EEFSEC: variants seen among roughly 807,000 people sequenced by gnomAD.
EEFSEC encodes selenocysteine-specific elongation factor.
In EEFSEC, 43 loss-of-function variants were observed where a neutral mutation model predicts 42.1. The observed-to-expected ratio is 1.02, with a 90% CI of 0.80 to 1.32. The LOEUF is 1.32. EEFSEC is among the 40% of genes most tolerant of loss of function. The pLI is 0.00. For missense variants in EEFSEC, 745 were observed against 803.6 expected (o/e 0.93, Z 0.88); for synonymous variants, 354 against 339.1 (o/e 1.04, Z -0.48).
chr3:128,312,723 G>A (rs189227450), intron 4 of EEFSEC, among the ~76,000 whole-genome samples: 1 of 152,348 alleles, frequency 6.6e-6, no homozygotes, highest in East Asian at 1.9e-4. Flanking sequence ...TCCTCTAGCT[G>A]GATTGGCAAA....
chr3:128,212,953 A>G lies in EEFSEC; in HGVS notation c.317-33883A>G, dbSNP rs1387297674. ...GCATGGCAGCCACATCCCGGGGAGC[A>G]GCAGTCCTCTGCTAGCACACATCTG... On this transcript the variant is annotated intron_variant, in intron 1 of 6. Transcript: ENST00000254730. Among the ~76,000 whole-genome samples, 4 of 152,236 alleles carry G rather than the reference A, an allele frequency of 2.6e-5. No homozygotes were observed. The East Asian group carries it at 7.7e-4, about 29-fold the overall frequency.
chr3:128,235,551 A>G (rs1208899169), intron 1 of EEFSEC, among the ~76,000 whole-genome samples: 5 of 152,160 alleles, frequency 3.3e-5, no homozygotes, highest in Non-Finnish European at 7.4e-5. Context: ...GATTCCAAAG[A>G]CACTTCATGA....
chr3:128,299,048 T>G (rs535932740), intron 4 of EEFSEC, among the ~76,000 whole-genome samples: 5 of 152,354 alleles, frequency 3.3e-5, no homozygotes, highest in African/African-American at 1.2e-4. Context: ...AGATATCTGT[T>G]TGATATACTG....
intron 4 of EEFSEC, among the ~76,000 whole-genome samples, chr3:128,337,632 C>T (rs921781630): frequency 1.3e-5 from 2 of 152,210 alleles, no homozygotes; most frequent in African/African-American, 2.4e-5. Flanking sequence ...CTCTTCAGAG[C>T]GGCTGGGCGT....
intron 2 of EEFSEC, 42 bp downstream of exon 2, chr3:128,247,085 CT>C (rs2066136538): frequency 1.9e-6 from 3 of 1,587,004 alleles, no homozygotes; most frequent in Non-Finnish European, 2.6e-6. Flanking sequence ...CATAAGAAGG[CT>C]TCTGGGGCCT....
At chr3:128,220,239 G>C (rs2065848909) in intron 1 of EEFSEC, among the ~76,000 whole-genome samples, 2 of 152,200 alleles carry the variant, frequency 1.3e-5, no homozygotes, top group African/African-American at 4.8e-5. Context: ...AAAGGTGCCT[G>C]AGTTCCTTTC....
intron 1 of EEFSEC, among the ~76,000 whole-genome samples, chr3:128,229,218 G>A (rs983416945): frequency 6.6e-6 from 1 of 152,168 alleles, no homozygotes; most frequent in African/African-American, 2.4e-5. Flanking sequence ...TATGATACTA[G>A]GTGTGGGGCC....
intron 4 of EEFSEC, among the ~76,000 whole-genome samples, chr3:128,316,283 C>G (rs1245903267): frequency 1.3e-5 from 2 of 152,176 alleles, no homozygotes; most frequent in East Asian, 3.8e-4. Context: ...GTTCTTTCAC[C>G]CTTTTTTAAT....
downstream of EEFSEC, among the ~76,000 whole-genome samples, chr3:128,412,982 C>G (rs923475759): frequency 5.9e-5 from 9 of 152,152 alleles, no homozygotes; most frequent in African/African-American, 9.7e-5. Context: ...AGGGCACAGG[C>G]AGGGGGATGG....
chr3:128,368,060 T>C (rs1286982779), intron 6 of EEFSEC, among the ~76,000 whole-genome samples: 3 of 152,232 alleles, frequency 2.0e-5, no homozygotes, highest in Non-Finnish European at 4.4e-5. Flanking sequence ...TGTAGCCCCT[T>C]GCACAAGGTC....
In EEFSEC at chr3:128,179,182, A is replaced by G. The variant is rs2065380148; in HGVS notation, c.316+25359A>G. On this transcript the variant is annotated intron_variant, in intron 1 of 6. Transcript: ENST00000254730. ...TTTCTGATTCTGATTTTTCTGAAGC[A>G]GTCTCTACATTTCCCAAAGTGCCAC... 2.0e-5 allele frequency among the ~76,000 whole-genome samples: 3 copies of G among 152,356 alleles called. 1 individual carries two copies. The South Asian group carries it at 6.2e-4, about 32-fold the overall frequency.
intron 5 of EEFSEC, among the ~76,000 whole-genome samples, chr3:128,346,291 TA>T (rs2067311631): frequency 6.6e-6 from 1 of 152,262 alleles, no homozygotes; most frequent in Non-Finnish European, 1.5e-5. Flanking sequence ...AAACACAATT[TA>T]ATTAACTTAC....
the EEFSEC span, among the ~76,000 whole-genome samples, chr3:128,416,496 C>T: frequency 2.6e-5 from 4 of 152,200 alleles, no homozygotes; most frequent in African/African-American, 9.6e-5. Flanking sequence ...ACACCATGCC[C>T]ATCTCCCGCC....
chr3:128,347,997 C>T lies in EEFSEC; in HGVS notation c.1443+6108C>T, dbSNP rs548441689. Among the ~76,000 whole-genome samples the T allele has an allele frequency of 3.3e-5, 5 of 152,030 alleles. No homozygotes were observed. The South Asian group carries it at 1.0e-3, about 32-fold the overall frequency. The stretch of plus-strand genomic sequence containing the variant: ...CCTATGGCTTGGAACATTTACAAAA[C>T]TAAATATTCAGCAGTTGACATTAAA... On this transcript the variant is annotated intron_variant, in intron 5 of 6. Coordinates refer to ENST00000254730, the MANE Select transcript of EEFSEC (RefSeq NM_021937.5).
At chr3:128,274,212 C>T (rs1480930303) in intron 4 of EEFSEC, among the ~76,000 whole-genome samples, 6 of 152,220 alleles carry the variant, frequency 3.9e-5, no homozygotes, top group Admixed American at 1.3e-4. Context: ...TGGGTTTGTA[C>T]CTATGTGCTG....
intron 4 of EEFSEC, among the ~76,000 whole-genome samples, chr3:128,300,527 G>C (rs1455276568): frequency 7.8e-6 from 1 of 128,360 alleles, no homozygotes; most frequent in Admixed American, 8.5e-5. Context: ...TGGTGACAGA[G>C]CAAGACTCTG....
At chr3:128,182,388 G>A (rs1226375682) in intron 1 of EEFSEC, among the ~76,000 whole-genome samples, 1 of 151,900 alleles carries the variant, frequency 6.6e-6, no homozygotes, top group African/African-American at 2.4e-5. Context: ...TTTGGATTAG[G>A]TTATATATGT....
At chr3:128,362,141 C>G in intron 6 of EEFSEC, 1 of 472,230 alleles carries the variant, frequency 2.1e-6, no homozygotes, top group Non-Finnish European at 4.4e-6. Context: ...AGGCTGCGCT[C>G]CCAAAGCTCA....
rs149739663 is a variant in EEFSEC, at chr3:128,379,226, G to A, written c.1600+20853G>A. ...TCCTGGAAGCCGTCCTGACGGAGGA[G>A]CACCTTTACCAAGCGCAGAGAGCAC... On this transcript the variant is annotated intron_variant, in intron 6 of 6. Coordinates refer to ENST00000254730, the MANE Select transcript of EEFSEC (RefSeq NM_021937.5). Among the ~76,000 whole-genome samples the A allele has an allele frequency of 4.0e-3, 606 of 152,300 alleles. 3 individuals carry two copies. The highest frequency in any genetic ancestry group is 0.02 in the Middle Eastern group (6 of 294).
Sources: gnomAD v4.1 joint callset for allele counts (sites outside exome capture counted in the v4.1 genomes callset) on GRCh38, gnomAD v4.1.1 for gene constraint, MANE v1.5 for transcripts, NCBI Gene and HGNC (gene_info 2026-07-23, HGNC 2026-07-21) for gene names.